Variants in LPXN observed in about 807,000 individuals in gnomAD.
LPXN encodes leupaxin.
Under a neutral mutation model 45.6 loss-of-function variants are expected in LPXN, and 28 were observed. The ratio of observed to expected loss-of-function variants is 0.61; its 90% CI spans 0.45 to 0.84. LPXN has a LOEUF of 0.84. Among genes scored for constraint, LPXN ranks in the 40% least tolerant of loss-of-function variants. LPXN has a pLI of 0.00. For synonymous variants in LPXN, 166 were observed against 169.9 expected, an observed-to-expected ratio of 0.98 and a Z score of 0.18; for missense variants, 459 against 475.0, an observed-to-expected ratio of 0.97 and a Z score of 0.31.
intron 2 of LPXN, among the ~76,000 whole-genome samples, chr11:58,570,280 G>A (rs1334175182): frequency 6.7e-6 from 1 of 149,826 alleles, no homozygotes; most frequent in African/African-American, 2.5e-5. Flanking sequence ...TCCAGCCTTG[G>A]AGACAGAGTG....
intron 3 of LPXN, among the ~76,000 whole-genome samples, chr11:58,558,985 T>C (rs1854294092): frequency 6.6e-6 from 1 of 151,816 alleles, no homozygotes; most frequent in Non-Finnish European, 1.5e-5. Context: ...ATATTCAAGA[T>C]TTTAAAGAAA....
chr11:58,575,549 T>A (rs1854858746), intron 1 of LPXN, among the ~76,000 whole-genome samples: 1 of 152,210 alleles, frequency 6.6e-6, no homozygotes, highest in African/African-American at 2.4e-5. Context: ...ACTCTCCATC[T>A]ATTTTGCCAC....
chr11:58,552,462 C>T (rs1478573841), intron 4 of LPXN, among the ~76,000 whole-genome samples: 1 of 152,160 alleles, frequency 6.6e-6, no homozygotes, highest in Non-Finnish European at 1.5e-5. Context: ...CCATTGCCAC[C>T]ACATCAAGTC....
intron 7 of LPXN, among the ~76,000 whole-genome samples, chr11:58,531,256 G>A (rs117863041): frequency 0.025 from 3,740 of 152,076 alleles, 83 homozygotes; most frequent in Non-Finnish European, 0.036. Flanking sequence ...AAACTCCTCC[G>A]AGCTTTATAA....
At chr11:58,527,797 G>T (rs1172477738) in intron 8 of LPXN, 74 bp from the exon 9 acceptor site, 4 of 1,446,296 alleles carry the variant, frequency 2.8e-6, no homozygotes, top group Admixed American at 2.1e-5. Context: ...AAAATTTTCA[G>T]CCTTGAAATT....
rs746487742 is a variant in LPXN, at chr11:58,539,464, C to G, written c.742+10322G>C. Among the ~76,000 whole-genome samples, 41 of 152,218 alleles carry G rather than the reference C, an allele frequency of 2.7e-4. 1 individual carries two copies. Among genetic ancestry groups the G allele is most frequent in the Admixed American group, 1.3e-3 (20 of 15,280 alleles). ...GAAATGGATGATTCCAAGTATGTGG[C>G]AGAGTTGACAAGTTAGGCCTGATAT... On this transcript the variant is annotated intron_variant, in intron 7 of 8. Coordinates refer to ENST00000395074, the MANE Select transcript of LPXN (RefSeq NM_004811.3).
chr11:58,546,988 G>C (rs1162056032), intron 7 of LPXN, among the ~76,000 whole-genome samples: 1 of 152,148 alleles, frequency 6.6e-6, no homozygotes, highest in East Asian at 1.9e-4. Context: ...ATGAGGTATA[G>C]TTCTTGATAA....
chr11:58,568,592 G>A (rs1284999812), intron 2 of LPXN, among the ~76,000 whole-genome samples: 2 of 141,710 alleles, frequency 1.4e-5, no homozygotes, highest in Non-Finnish European at 3.0e-5. Flanking sequence ...GACAGAAAGA[G>A]ACTCCATCTC....
chr11:58,540,272 A>G (rs1450413030), intron 7 of LPXN, among the ~76,000 whole-genome samples: 1 of 152,192 alleles, frequency 6.6e-6, no homozygotes, highest in Non-Finnish European at 1.5e-5. Flanking sequence ...AGTATAAAAA[A>G]GCAGCAAAGA....
At chr11:58,570,974 A>AT (rs1854677538) in intron 1 of LPXN, among the ~76,000 whole-genome samples, 1 of 152,124 alleles carries the variant, frequency 6.6e-6, no homozygotes, top group African/African-American at 2.4e-5. Context: ...CTATAATTTG[A>AT]TTTTTTATAC....
intron 3 of LPXN, among the ~76,000 whole-genome samples, 163 bp from the exon 4 acceptor site, chr11:58,555,103 C>A (rs1590562603): frequency 6.6e-6 from 1 of 152,076 alleles, no homozygotes; most frequent in Non-Finnish European, 1.5e-5. Flanking sequence ...TGTACTAGAC[C>A]AAAAATCTAA....
intron 2 of LPXN, among the ~76,000 whole-genome samples, chr11:58,565,322 A>C (rs1162331549): frequency 1.3e-5 from 2 of 151,994 alleles, no homozygotes; most frequent in Non-Finnish European, 2.9e-5. Context: ...TCACGAGGTC[A>C]GGAGATCGAG....
chr11:58,575,748 C>T lies in LPXN; in HGVS notation c.13+12G>A, dbSNP rs114681673. 4.3e-6 allele frequency: 7 copies of T among 1,614,186 alleles called. No homozygotes were observed. In the East Asian group the frequency reaches 1.3e-4, roughly 31 times the overall value. On this transcript the variant is annotated intron_variant, in intron 1 of 8. Transcript: ENST00000395074. ...CACTCCCTCAGAGTTTCTCCTCAGG[C>T]TCCTCACTCACCTAACTCTTCCATT...
chr11:58,568,792 A>G (rs980540745), intron 2 of LPXN, among the ~76,000 whole-genome samples: 1 of 152,216 alleles, frequency 6.6e-6, no homozygotes, highest in African/African-American at 2.4e-5. Context: ...GAGAAAAACA[A>G]GCATAAACCC....
intron 5 of LPXN, 93 bp from the exon 6 acceptor site, chr11:58,550,239 AC>A: frequency 8.3e-7 from 1 of 1,201,068 alleles, no homozygotes; most frequent in Non-Finnish European, 1.2e-6. Context: ...TTCACATTGT[AC>A]CCCTTGTAGA....
chr11:58,538,656 A>G (rs1264059045), intron 7 of LPXN, among the ~76,000 whole-genome samples: 2 of 152,182 alleles, frequency 1.3e-5, no homozygotes, highest in Non-Finnish European at 2.9e-5. Flanking sequence ...ATACACATGA[A>G]AAGGGTTACT....
chr11:58,571,807 G>A (rs960557795), intron 1 of LPXN, among the ~76,000 whole-genome samples: 2 of 152,140 alleles, frequency 1.3e-5, no homozygotes, highest in Non-Finnish European at 2.9e-5. Context: ...CTTTGAGGCA[G>A]ATGATATTAT....
In LPXN at chr11:58,549,783, T is replaced by A; in HGVS notation, c.742+3A>T. 2 of 1,614,040 alleles carry A rather than the reference T, an allele frequency of 1.2e-6. No homozygotes were observed. Among genetic ancestry groups the A allele is most frequent in the Non-Finnish European group, 1.7e-6 (2 of 1,179,946 alleles). On this transcript the variant is annotated splice_donor_region_variant and intron_variant, in intron 7 of 8. Transcript: ENST00000395074. ...GGATACAGCCTCTCAAGTCGGGTCA[T>A]ACCTTCTGCACCAAACACCTCTCCG...
intron 7 of LPXN, among the ~76,000 whole-genome samples, chr11:58,531,525 A>T (rs1481432078): frequency 6.6e-6 from 1 of 152,074 alleles, no homozygotes; most frequent in Non-Finnish European, 1.5e-5. Context: ...ATGAAAAGGA[A>T]TGAATAAAGC....
Sources: allele counts gnomAD v4.1 joint callset (sites outside exome capture counted in the v4.1 genomes callset), GRCh38; gene constraint gnomAD v4.1.1; transcripts MANE v1.5; gene names NCBI Gene and HGNC (gene_info 2026-07-23, HGNC 2026-07-21).